The following CEP126 variants were observed in gnomAD, a reference collection of about 807,000 sequenced individuals.
The protein encoded by CEP126 is centrosomal protein of 126 kDa.
A neutral mutation model predicts 107.8 loss-of-function variants in CEP126; 74 were observed. The observed-to-expected ratio is 0.69, with a 90% confidence interval of 0.57 to 0.83. The LOEUF (loss-of-function observed/expected upper bound fraction) is 0.83. Ranked by LOEUF, CEP126 falls within the 40% of genes least tolerant of loss-of-function variation. The pLI is 0.00. For missense variants in CEP126, 1,237 were observed against 1,281.9 expected (o/e 0.96, Z 0.53); for synonymous variants, 449 against 446.0 (o/e 1.01, Z -0.08).
chr11:101,927,196 G>A (rs959382738), intron 2 of CEP126, among the ~76,000 whole-genome samples: 7 of 152,164 alleles, frequency 4.6e-5, no homozygotes, highest in African/African-American at 1.7e-4. Context: ...CAGCTATTCA[G>A]GAGGCTGAGG....
At chr11:101,925,346 T>C (rs114234225) in intron 2 of CEP126, among the ~76,000 whole-genome samples, 3,121 of 152,306 alleles carry the variant, frequency 0.02, 56 homozygotes, top group African/African-American at 0.05. Context: ...AACTATCTTT[T>C]GGTAAATACG....
intron 1 of CEP126, among the ~76,000 whole-genome samples, chr11:101,921,756 T>C (rs1463454388): frequency 0.17 from 1 of 6 alleles, no homozygotes; most frequent in African/African-American, 0.5. Flanking sequence ...TACAGTCCTC[T>C]TTATCTGAAG....
intron 1 of CEP126, among the ~76,000 whole-genome samples, chr11:101,918,353 C>T (rs540371504): frequency 4.9e-4 from 74 of 152,238 alleles, no homozygotes; most frequent in African/African-American, 1.5e-3. Context: ...GAGGCTGAGG[C>T]AGGAAGATTG....
chr11:101,945,883 C>T (rs893507174), intron 3 of CEP126, among the ~76,000 whole-genome samples: 22 of 151,980 alleles, frequency 1.4e-4, no homozygotes, highest in African/African-American at 5.1e-4. Context: ...CTACCCCTAA[C>T]TATATAGGGT....
At chr11:101,993,483 C>T (rs545838501) in intron 10 of CEP126, among the ~76,000 whole-genome samples, 7 of 152,060 alleles carry the variant, frequency 4.6e-5, no homozygotes, top group East Asian at 1.9e-4. Context: ...AGGTTGATTC[C>T]GTGTCTTTGT....
intron 4 of CEP126, among the ~76,000 whole-genome samples, chr11:101,955,257 C>T (rs1351205483): frequency 6.6e-6 from 1 of 152,130 alleles, no homozygotes. Flanking sequence ...CTTCTGTCAC[C>T]ATCAAATCCT....
At chr11:101,978,096 G>A (rs1941213659) in intron 6 of CEP126, among the ~76,000 whole-genome samples, 1 of 152,170 alleles carries the variant, frequency 6.6e-6, no homozygotes, top group Non-Finnish European at 1.5e-5. Context: ...ATCTTCTGGT[G>A]TTCTGTGTCA....
chr11:101,916,358 A>G (rs1940212565), intron 1 of CEP126: 2 of 152,196 alleles, frequency 1.3e-5, no homozygotes, highest in African/African-American at 4.8e-5. Flanking sequence ...GGTTCTAGGG[A>G]TACAAATCTA....
At chr11:101,938,003 A>C (rs1046266651) in intron 2 of CEP126, among the ~76,000 whole-genome samples, 2 of 150,574 alleles carry the variant, frequency 1.3e-5, no homozygotes, top group Admixed American at 6.6e-5. Context: ...AATACAAAAA[A>C]TTAGCCGGGC....
chr11:101,943,377 T>A (rs765375574), intron 2 of CEP126, among the ~76,000 whole-genome samples: 2 of 152,040 alleles, frequency 1.3e-5, no homozygotes. Flanking sequence ...TTTAGAAAGA[T>A]GCTTAATAGT....
chr11:101,966,548 T>TCCC (rs1242959647), intron 6 of CEP126, among the ~76,000 whole-genome samples: 9 of 152,152 alleles, frequency 5.9e-5, no homozygotes, highest in Admixed American at 5.2e-4. Context: ...TCCAGTTATT[T>TCCC]CCCCCCTAAA....
intron 4 of CEP126, among the ~76,000 whole-genome samples, chr11:101,948,697 T>C (rs1172293565): frequency 2.6e-5 from 4 of 152,150 alleles, no homozygotes; most frequent in African/African-American, 9.7e-5. Context: ...CATTTGTTAA[T>C]GCTACTACAT....
chr11:101,959,356 A>G (rs1429610625), intron 5 of CEP126, among the ~76,000 whole-genome samples: 2 of 151,984 alleles, frequency 1.3e-5, no homozygotes, highest in East Asian at 3.9e-4. Flanking sequence ...AGGTTTTACC[A>G]TGTTGGCCAG....
At chr11:101,968,297 T>A (rs964137930) in intron 6 of CEP126, among the ~76,000 whole-genome samples, 1 of 152,246 alleles carries the variant, frequency 6.6e-6, no homozygotes, top group Non-Finnish European at 1.5e-5. Context: ...CAAAATTCTG[T>A]TGCCATGAGA....
chr11:101,977,630 C>CAAAA (rs952859970), intron 6 of CEP126, among the ~76,000 whole-genome samples: 8 of 52,538 alleles, frequency 1.5e-4, no homozygotes, highest in East Asian at 5.7e-4. Context: ...GACTCTGTCT[C>CAAAA]AAAAAAAAAA....
chr11:101,951,673 G>GA (rs1360091469), intron 4 of CEP126, among the ~76,000 whole-genome samples: 2 of 150,956 alleles, frequency 1.3e-5, no homozygotes, highest in Non-Finnish European at 3.0e-5. Context: ...CAAAGGAAAT[G>GA]AAAAAAAGCA....
chr11:101,942,834 C>T (rs11225078), intron 2 of CEP126, among the ~76,000 whole-genome samples: 8,475 of 151,738 alleles, frequency 0.056, 457 homozygotes, highest in East Asian at 0.26. Context: ...AGTCTTTTGC[C>T]TCCTTGGTTA....
intron 10 of CEP126, among the ~76,000 whole-genome samples, chr11:101,995,537 C>A (rs1941432132): frequency 6.6e-6 from 1 of 152,180 alleles, no homozygotes. Context: ...AAGAAAGTCA[C>A]CTACCCTTCC....
rs1259037695 is a variant in CEP126, at chr11:101,999,195, A to C, written c.*1552A>C. 1.3e-5 allele frequency: 2 copies of C among 152,182 alleles called. No homozygotes were observed. The highest frequency in any genetic ancestry group is 4.8e-5 in the African/African-American group (2 of 41,450). The allele number at this position is 152,182 out of a possible 1,614,324, so 9.4% of individuals were successfully genotyped here. ...CTATCAAGAAAAAATTCTGTGAATT[A>C]AGATGTAATTTATAAAATAACATTT... On this transcript the variant is annotated 3_prime_UTR_variant, in exon 11 of 11. Coordinates refer to ENST00000263468, the MANE Select transcript of CEP126 (RefSeq NM_020802.4).
Sources: gnomAD v4.1 joint callset for allele counts (sites outside exome capture counted in the v4.1 genomes callset) on GRCh38, gnomAD v4.1.1 for gene constraint, MANE v1.5 for transcripts, NCBI Gene and HGNC (gene_info 2026-07-23, HGNC 2026-07-21) for gene names.